Variants in CNTNAP2 observed in about 807,000 individuals in gnomAD.
CNTNAP2 encodes contactin-associated protein-like 2.
A neutral mutation model predicts 155.2 loss-of-function variants in CNTNAP2; 98 were observed. That is an observed-to-expected ratio of 0.63 (90% CI 0.54 to 0.75). CNTNAP2 has a LOEUF of 0.75. Ranked by LOEUF, CNTNAP2 falls within the 30% of genes least tolerant of loss-of-function variation. The probability of loss-of-function intolerance (pLI) is 0.00; values close to 1 mark genes in which losing one functional copy is unlikely to be tolerated. For missense variants in CNTNAP2, 1,727 were observed against 1,688.1 expected (o/e 1.02, Z -0.40); for synonymous variants, 651 against 631.2 (o/e 1.03, Z -0.47).
chr7:147,323,547 T>C (rs1428101958), intron 9 of CNTNAP2, among the ~76,000 whole-genome samples: 1 of 146,644 alleles, frequency 6.8e-6, no homozygotes, highest in East Asian at 2.1e-4. Flanking sequence ...AAAAAATGTA[T>C]ATTCTGTTGA....
chr7:146,150,196 A>G (rs1798016805), intron 1 of CNTNAP2, among the ~76,000 whole-genome samples: 1 of 152,138 alleles, frequency 6.6e-6, no homozygotes, highest in Non-Finnish European at 1.5e-5. Flanking sequence ...TTAAAAGCAA[A>G]ATCAAATACT....
intron 1 of CNTNAP2, among the ~76,000 whole-genome samples, chr7:146,324,816 C>A (rs892685054): frequency 6.6e-6 from 1 of 151,610 alleles, no homozygotes; most frequent in Non-Finnish European, 1.5e-5. Flanking sequence ...ACTATTTTAT[C>A]AAAACCAAAA....
intron 1 of CNTNAP2, among the ~76,000 whole-genome samples, chr7:146,641,063 G>C (rs1433018044): frequency 5.3e-5 from 8 of 152,062 alleles, no homozygotes; most frequent in Non-Finnish European, 2.9e-5. Flanking sequence ...ACGGTGGCTC[G>C]TGCCTATAAT....
At chr7:147,215,295 A>G (rs897000655) in intron 8 of CNTNAP2, among the ~76,000 whole-genome samples, 1 of 152,140 alleles carries the variant, frequency 6.6e-6, no homozygotes, top group African/African-American at 2.4e-5. Flanking sequence ...TATAGCCAAC[A>G]CTATAGTAGC....
At chr7:147,360,227 T>C (rs572671838) in intron 9 of CNTNAP2, among the ~76,000 whole-genome samples, 83 of 152,332 alleles carry the variant, frequency 5.4e-4, no homozygotes, top group African/African-American at 1.3e-3. Flanking sequence ...TATAACCCCT[T>C]AGCTTTCATC....
intron 9 of CNTNAP2, among the ~76,000 whole-genome samples, chr7:147,324,945 G>A (rs1468848930): frequency 6.6e-6 from 1 of 152,146 alleles, no homozygotes; most frequent in African/African-American, 2.4e-5. Context: ...GTAGGTAATG[G>A]CAGAAGTGTG....
intron 1 of CNTNAP2, among the ~76,000 whole-genome samples, chr7:146,467,521 G>C (rs1014939394): frequency 6.6e-6 from 1 of 152,080 alleles, no homozygotes; most frequent in Non-Finnish European, 1.5e-5. Context: ...TCTTGGAACA[G>C]CCTGTTCAAT....
chr7:146,486,677 G>A (rs776178900), intron 1 of CNTNAP2, among the ~76,000 whole-genome samples: 2 of 152,144 alleles, frequency 1.3e-5, no homozygotes, highest in South Asian at 4.1e-4. Context: ...GGAACTTTAC[G>A]ATGATAAATG....
intron 3 of CNTNAP2, among the ~76,000 whole-genome samples, chr7:146,869,286 T>A (rs893895586): frequency 7.9e-5 from 12 of 152,294 alleles, no homozygotes; most frequent in African/African-American, 2.9e-4. Context: ...TGTGTTTTGT[T>A]TTTTGTCTTT....
chr7:147,453,333 T>C (rs1259104166), intron 10 of CNTNAP2, among the ~76,000 whole-genome samples: 3 of 152,184 alleles, frequency 2.0e-5, no homozygotes, highest in Non-Finnish European at 4.4e-5. Flanking sequence ...CCCTATGACT[T>C]CTGCTGTCTC....
Position 148,370,664 on chromosome 7 carries a change from C to G in CNTNAP2, c.3476-12985C>G, listed in dbSNP as rs573437789. Among the ~76,000 whole-genome samples, 5 of 152,032 alleles carry G rather than the reference C, an allele frequency of 3.3e-5. No homozygotes were observed. The East Asian group carries it at 9.7e-4, about 29-fold the overall frequency. On this transcript the variant is annotated intron_variant, in intron 21 of 23. Coordinates refer to ENST00000361727, the MANE Select transcript of CNTNAP2 (RefSeq NM_014141.6). ...CTACCCCTGCCCTTCCCTGGTGTTT[C>G]CACCGCACCCCACCAGCTGGAATGA... is the stretch of plus-strand genomic sequence containing the variant.
At chr7:147,518,991 A>T (rs1799181758) in intron 11 of CNTNAP2, among the ~76,000 whole-genome samples, 1 of 142,584 alleles carries the variant, frequency 7.0e-6, no homozygotes, top group East Asian at 2.1e-4. Context: ...AGATAGCGCC[A>T]CTGCACTCCA....
chr7:147,603,609 G>A (rs1242001911), intron 12 of CNTNAP2, among the ~76,000 whole-genome samples: 2 of 152,134 alleles, frequency 1.3e-5, no homozygotes, highest in Non-Finnish European at 2.9e-5. Flanking sequence ...ATGCTCATGG[G>A]TAGGAAGAAT....
chr7:146,675,143 C>G (rs1800376488), intron 1 of CNTNAP2, among the ~76,000 whole-genome samples: 1 of 151,160 alleles, frequency 6.6e-6, no homozygotes, highest in African/African-American at 2.4e-5. Context: ...GTGCATAGCA[C>G]AGAGTAGGTA....
chr7:146,165,047 G>A (rs114316787), intron 1 of CNTNAP2, among the ~76,000 whole-genome samples: 263 of 152,118 alleles, frequency 1.7e-3, no homozygotes, highest in African/African-American at 6.1e-3. Flanking sequence ...ATTAAAATAC[G>A]GTGCCCTTAC....
chr7:147,430,274 G>A (rs1208968800), intron 10 of CNTNAP2, among the ~76,000 whole-genome samples: 1 of 152,106 alleles, frequency 6.6e-6, no homozygotes, highest in Non-Finnish European at 1.5e-5. Flanking sequence ...CTTCTATGAG[G>A]TCACAGCCTA....
chr7:146,974,380 G>A (rs1011657487), intron 3 of CNTNAP2, among the ~76,000 whole-genome samples: 1 of 151,960 alleles, frequency 6.6e-6, no homozygotes, highest in Non-Finnish European at 1.5e-5. Flanking sequence ...GGAGGTTGCA[G>A]TGAGCCGAGA....
chr7:147,911,569 T>A (rs944177009), intron 14 of CNTNAP2, among the ~76,000 whole-genome samples: 4 of 152,150 alleles, frequency 2.6e-5, no homozygotes, highest in African/African-American at 9.7e-5. Context: ...TAACCACATT[T>A]CTCTCAAGGC....
intron 1 of CNTNAP2, among the ~76,000 whole-genome samples, chr7:146,140,563 A>G (rs934566399): frequency 9.9e-5 from 15 of 152,148 alleles, no homozygotes; most frequent in African/African-American, 3.1e-4. Flanking sequence ...TTGTACTTCA[A>G]GTGTTCGGCT....
Sources: gnomAD v4.1 joint callset for allele counts (sites outside exome capture counted in the v4.1 genomes callset) on GRCh38, gnomAD v4.1.1 for gene constraint, MANE v1.5 for transcripts, NCBI Gene and HGNC (gene_info 2026-07-23, HGNC 2026-07-21) for gene names.